The following IREB2 variants were observed in gnomAD, a reference collection of about 807,000 sequenced individuals.
IREB2 encodes the protein iron responsive element binding protein 2.
IREB2 carries 39 observed loss-of-function variants against 118.8 expected under a neutral mutation model. The observed-to-expected ratio is 0.33, with a 90% confidence interval of 0.25 to 0.43. The LOEUF (loss-of-function observed/expected upper bound fraction) is 0.43, where lower values mean the gene tolerates loss of function less well. Ranked by LOEUF, IREB2 falls within the 20% of genes least tolerant of loss-of-function variation. The pLI is 1.00. For missense variants in IREB2, 900 were observed against 1,147.3 expected, an observed-to-expected ratio of 0.78 and a Z score of 3.11; for synonymous variants, 372 against 392.2, an observed-to-expected ratio of 0.95 and a Z score of 0.61.
At position 78,462,908 on chromosome 15, in the gene IREB2, T is replaced by C; in HGVS notation, c.107-14T>C. 6.4e-7 allele frequency: 1 copy of C among 1,564,052 alleles called. No homozygotes were observed. The highest frequency in any genetic ancestry group is 8.6e-7 in the Non-Finnish European group (1 of 1,158,744). ...GACTGTTTGCTTATTAATAGTAATA[T>C]TTTCTTGAATCAGATGTTCTGCCTT... On this transcript the variant is annotated splice_polypyrimidine_tract_variant and intron_variant, in intron 2 of 21. Transcript: ENST00000258886.
intron 2 of IREB2, among the ~76,000 whole-genome samples, chr15:78,456,373 G>T (rs1170835066): frequency 6.6e-6 from 1 of 152,120 alleles, no homozygotes; most frequent in East Asian, 1.9e-4. Context: ...GTTAACATTT[G>T]TGGGACCAGG....
chr15:78,497,924 A>G (rs554053612), intron 21 of IREB2, 109 bp from the exon 22 acceptor site: 2 of 613,026 alleles, frequency 3.3e-6, no homozygotes, highest in African/African-American at 3.8e-5. Context: ...TAAATCAGAC[A>G]GAATCTGTGG....
rs116757659 is a variant in IREB2, at chr15:78,442,816, T to C, written c.106+2935T>C. The stretch of plus-strand genomic sequence containing the variant: ...CTCCAGGCATTATGTCCAAGTTAAA[T>C]TTTCCCTGGGAAATAAGCTGTCATG... On this transcript the variant is annotated intron_variant, in intron 2 of 21. Transcript: ENST00000258886. Among the ~76,000 whole-genome samples the C allele has an allele frequency of 9.3e-3, 1,418 of 152,328 alleles. 23 individuals are homozygous for C. The highest frequency in any genetic ancestry group is 0.032 in the African/African-American group (1,343 of 41,568).
chr15:78,452,191 A>G (rs568202983), intron 2 of IREB2, among the ~76,000 whole-genome samples: 1 of 152,290 alleles, frequency 6.6e-6, no homozygotes, highest in African/African-American at 2.4e-5. Flanking sequence ...GGCATTGAGG[A>G]AAATGCCTCG....
At chr15:78,486,389 G>T (rs1475336255) in intron 13 of IREB2, among the ~76,000 whole-genome samples, 1 of 152,184 alleles carries the variant, frequency 6.6e-6, no homozygotes, top group Non-Finnish European at 1.5e-5. Context: ...GGCAAATCAT[G>T]AGGCCAGGAG....
At chr15:78,490,015 T>G (rs995472634) in intron 16 of IREB2, among the ~76,000 whole-genome samples, 1 of 152,232 alleles carries the variant, frequency 6.6e-6, no homozygotes, top group Non-Finnish European at 1.5e-5. Context: ...ATGTTCTGTT[T>G]ATATTGAAAC....
In IREB2 at chr15:78,466,273, C is replaced by T. The variant is rs376849564; in HGVS notation, c.413C>T (p.Ala138Val). The T allele has an allele frequency of 6.2e-7, 1 of 1,607,106 alleles. No homozygotes were observed. The stretch of plus-strand genomic sequence containing the variant: ...TTGTTTTCTTTTTGGAATGACAGTG[C>T]AATACAGAATGCACCAAATCCTGGA... ...HSLQIDFSKC[A>V]IQNAPNPGGG... The change falls in exon 5 of 22, where the codon GCA (alanine) becomes GTA (valine). Residue 138 changes from alanine (A) to valine (V), a missense_variant and splice_region_variant. Coordinates refer to ENST00000258886, the MANE Select transcript of IREB2 (RefSeq NM_004136.4).
At chr15:78,446,720 G>A (rs1003986961) in intron 2 of IREB2, among the ~76,000 whole-genome samples, 6 of 151,946 alleles carry the variant, frequency 3.9e-5, no homozygotes, top group Non-Finnish European at 4.4e-5. Context: ...TTGCCCCAGT[G>A]TCTCCTTTCT....
In IREB2 at chr15:78,450,824, TTGTGTGTGTGTGTGTGTGTGTGTG is replaced by T. The variant is rs35092289; in HGVS notation, c.106+10969_106+10992del. Among the ~76,000 whole-genome samples, 19 of 134,122 alleles carry T rather than the reference TTGTGTGTGTGTGTGTGTGTGTGTG, an allele frequency of 1.4e-4. No homozygotes were observed. In the East Asian group the frequency reaches 1.6e-3, roughly 11 times the overall value. 88.0% of individuals were successfully genotyped at this position (134,122 alleles called of 152,430 possible). ...GAGGGCTGTGGTGATATTAACAAAT[TTGTGTGTGTGTGTGTGTGTGTGTG>T]TGTGTGTGTGTGTGTGTGTGTGTGT... is the stretch of plus-strand genomic sequence containing the variant. On this transcript the variant is annotated intron_variant, in intron 2 of 21. Coordinates refer to ENST00000258886, the MANE Select transcript of IREB2 (RefSeq NM_004136.4).
At chr15:78,492,974 C>G (rs1254811004) in intron 18 of IREB2, among the ~76,000 whole-genome samples, 1 of 152,160 alleles carries the variant, frequency 6.6e-6, no homozygotes, top group Non-Finnish European at 1.5e-5. Context: ...TGAGCAATCA[C>G]TGGTAACATT....
intron 10 of IREB2, among the ~76,000 whole-genome samples, chr15:78,482,870 C>A (rs1010394674): frequency 3.9e-5 from 6 of 152,036 alleles, no homozygotes; most frequent in Non-Finnish European, 7.3e-5. Context: ...GCCTCAGCCT[C>A]CCGAGTAGCT....
chr15:78,458,651 C>T (rs574454846), intron 2 of IREB2, among the ~76,000 whole-genome samples: 191 of 152,268 alleles, frequency 1.3e-3, no homozygotes, highest in Non-Finnish European at 2.1e-3. Context: ...GAACCCTACT[C>T]ACCTCCCTCA....
chr15:78,488,313 T>C lies in IREB2; in HGVS notation c.1928T>C (p.Ile643Thr). Residue 643 changes from isoleucine to threonine, a missense_variant, in exon 15 of 22, where the codon ATA becomes ACA. Physicochemically the swap from Ile to Thr is moderately conservative, Grantham distance 89. Coordinates refer to ENST00000258886, the MANE Select transcript of IREB2 (RefSeq NM_004136.4). ...TATGCCATAGCAGGCACAGTGAATA[T>C]AGATTTCCAGACAGAACCTTTAGGT... ...VAYAIAGTVN[I>T]DFQTEPLGTD... 1 of 1,602,024 alleles carries C rather than the reference T, an allele frequency of 6.2e-7. No individual in the cohort carries two copies. The highest frequency in any genetic ancestry group is 8.5e-7 in the Non-Finnish European group (1 of 1,176,714).
rs1240561016 is a variant in IREB2 at position 78,494,329 on chromosome 15, A to G, written c.2595+65A>G. 6.7e-6 allele frequency: 10 copies of G among 1,495,030 alleles called. No individual in the cohort carries two copies. The South Asian group carries it at 1.1e-4, about 16-fold the overall frequency. 92.6% of individuals were successfully genotyped at this position (1,495,030 alleles called of 1,614,324 possible). On this transcript the variant is annotated intron_variant, in intron 20 of 21. Coordinates refer to ENST00000258886, the MANE Select transcript of IREB2 (RefSeq NM_004136.4). ...GTTTTAACTGTTCCCTTTTGTCAGT[A>G]ACATCCTGTCAAAGTTTATCTGGAT...
At chr15:78,495,488 A>G (rs1215654798) in intron 20 of IREB2, among the ~76,000 whole-genome samples, 1 of 152,062 alleles carries the variant, frequency 6.6e-6, no homozygotes, top group Non-Finnish European at 1.5e-5. Context: ...ACTGGGTGAT[A>G]AGCTACCTTT....
rs2051939276 is a variant in IREB2 at position 78,501,207 on chromosome 15, C to T, written c.*3064C>T. 1.3e-5 allele frequency: 2 copies of T among 152,344 alleles called. No individual in the cohort carries two copies. Among genetic ancestry groups the T allele is most frequent in the African/African-American group, 4.8e-5 (2 of 41,444 alleles). 9.4% of individuals were successfully genotyped at this position (152,344 alleles called of 1,614,324 possible). On this transcript the variant is annotated 3_prime_UTR_variant, in exon 22 of 22. Coordinates refer to ENST00000258886, the MANE Select transcript of IREB2 (RefSeq NM_004136.4). ...TGCTGACGTTTCTATCAATTTTACA[C>T]ATAATATGTGGCTATGAAACCATAT... is the stretch of plus-strand genomic sequence containing the variant.
chr15:78,441,307 C>T (rs982822637), intron 2 of IREB2, among the ~76,000 whole-genome samples: 1 of 152,134 alleles, frequency 6.6e-6, no homozygotes, highest in Non-Finnish European at 1.5e-5. Flanking sequence ...TGTGTTGATA[C>T]GTTTGTTAAA....
chr15:78,491,003 T>C (rs893968530), intron 18 of IREB2, among the ~76,000 whole-genome samples: 1 of 152,142 alleles, frequency 6.6e-6, no homozygotes, highest in Non-Finnish European at 1.5e-5. Context: ...TGAGCCCTTA[T>C]AGTCTAAATA....
chr15:78,488,738 A>C lies in IREB2; in HGVS notation c.2043A>C (p.Leu681=), dbSNP rs748000073. Residue 681 remains leucine, a synonymous_variant, in exon 16 of 22, where the codon CTA becomes CTC. Transcript: ENST00000258886. The stretch of plus-strand genomic sequence containing the variant: ...GAGTAGAGGAAGAACATGTTATACT[A>C]TCCATGTTTAAAGCATTAAAAGATA... ...VHRVEEEHVI[L]SMFKALKDKI... The C allele has an allele frequency of 1.9e-6, 3 of 1,548,452 alleles. No homozygotes were observed. The highest frequency in any genetic ancestry group is 4.5e-5 in the East Asian group (2 of 44,410).
Sources: gnomAD v4.1 joint callset for allele counts (sites outside exome capture counted in the v4.1 genomes callset) on GRCh38, gnomAD v4.1.1 for gene constraint, MANE v1.5 for transcripts, NCBI Gene and HGNC (gene_info 2026-07-23, HGNC 2026-07-21) for gene names.